Variants in TACC3 observed in about 807,000 individuals in gnomAD.
TACC3 encodes transforming acidic coiled-coil containing protein 3, also known as transforming acidic coiled-coil-containing protein 3.
Under a neutral mutation model 86.0 loss-of-function variants are expected in TACC3, and 52 were observed. The ratio of observed to expected loss-of-function variants is 0.60; its 90% CI spans 0.48 to 0.76. TACC3 has a LOEUF of 0.76. Ranked by LOEUF, TACC3 falls within the 30% of genes least tolerant of loss-of-function variation. The pLI, the probability that TACC3 is intolerant of heterozygous loss-of-function variation, is 0.00. For synonymous variants in TACC3, 512 were observed against 430.0 expected (o/e 1.19, Z -2.36); for missense variants, 1,120 against 1,070.4 (o/e 1.05, Z -0.65).
chr4:1,728,358 A>G lies in TACC3; in HGVS notation c.956A>G (p.Gln319Arg). The G allele has an allele frequency of 6.2e-7, 1 of 1,613,176 alleles. No individual in the cohort carries two copies. The highest frequency in any genetic ancestry group is 8.5e-7 in the Non-Finnish European group (1 of 1,180,018). Residue 319 changes from glutamine (Q) to arginine (R), a missense_variant, in exon 4 of 16, where the codon CAG becomes CGG. Transcript: ENST00000313288. Reference protein sequence around the residue: ...VAGRAMTLSPQEEVAAGQMAS... With the variant: ...VAGRAMTLSPREEVAAGQMAS... ...GGCAGGGCCATGACCCTGAGTCCTC[A>G]GGAAGAAGTGGCTGCAGGCCAAATG...
chr4:1,727,512 G>C (rs944983945), intron 3 of TACC3, among the ~76,000 whole-genome samples, 196 bp from the exon 4 acceptor site: 5 of 152,210 alleles, frequency 3.3e-5, no homozygotes, highest in African/African-American at 1.2e-4. Flanking sequence ...GTTCCACCGG[G>C]AGCTGGTCCC....
intron 10 of TACC3, chr4:1,739,450 T>C (rs1351620031): frequency 3.6e-6 from 2 of 563,114 alleles, no homozygotes; most frequent in East Asian, 5.8e-5. Context: ...ACCTGTTGGG[T>C]GCCTGCTGGT....
In TACC3 at chr4:1,739,862, A is replaced by G. The variant is rs144743154; in HGVS notation, c.2018+84A>G. 1.7e-3 allele frequency: 1,760 copies of G among 1,033,542 alleles called. 29 individuals are homozygous for G. In the East Asian group the frequency reaches 0.07, roughly 41 times the overall value. 64.0% of individuals were successfully genotyped at this position (1,033,542 alleles called of 1,614,324 possible). A position where few individuals can be genotyped will look rare whatever the true frequency, so the allele number is the denominator to read the frequency against. On this transcript the variant is annotated intron_variant, in intron 11 of 15. Transcript: ENST00000313288. ...CATCCCCCTCGCCATCCTTGTCCCCATCCCCCTCGCCATCCCTGTCCCCGT... is the reference window on the plus strand; with the variant it reads ...CATCCCCCTCGCCATCCTTGTCCCCGTCCCCCTCGCCATCCCTGTCCCCGT...
upstream of TACC3, chr4:1,721,058 C>T (rs1717309330): frequency 3.4e-6 from 1 of 293,310 alleles, no homozygotes; most frequent in African/African-American, 2.2e-5. Context: ...CATGGAGTCC[C>T]GCCGCCCGGC....
intron 4 of TACC3, 146 bp from the exon 5 acceptor site, chr4:1,730,741 A>G (rs1476097017): frequency 2.1e-6 from 2 of 947,580 alleles, no homozygotes. Flanking sequence ...CGCTTGGGAC[A>G]GCCCCATGCC....
chr4:1,741,055 T>A, intron 13 of TACC3, 69 bp downstream of exon 13: 1 of 1,465,530 alleles, frequency 6.8e-7, no homozygotes, highest in Non-Finnish European at 9.2e-7. Context: ...CCAGCGGGGC[T>A]ACAAGCTGCT....
At chr4:1,740,469 C>T (rs370544858) in intron 12 of TACC3, 1 of 311,430 alleles carries the variant, frequency 3.2e-6, no homozygotes, top group Non-Finnish European at 6.0e-6. Context: ...AGGTGACCGC[C>T]TGGCCCTTGC....
intron 8 of TACC3, among the ~76,000 whole-genome samples, chr4:1,736,422 CAA>C (rs1164866581): frequency 3.8e-3 from 249 of 65,822 alleles, no homozygotes; most frequent in African/African-American, 0.015. Context: ...GACTCCATCT[CAA>C]AAAAAAAAAA....
intron 10 of TACC3, 78 bp downstream of exon 10, chr4:1,737,780 A>C: frequency 1.5e-6 from 2 of 1,314,720 alleles, no homozygotes; most frequent in Non-Finnish European, 2.1e-6. Flanking sequence ...CAGGGGTCCA[A>C]CAGCCTGACC....
Position 1,730,108 on chromosome 4 carries a change from G to A in TACC3, c.1386-779G>A, listed in dbSNP as rs187963699. Reference sequence around the variant, plus strand: ...GGCTGGAGCGCAGTGGCGTGATCTCGCCTCACTGCGAGTTCTGCCTCCCGG... The same window carrying A: ...GGCTGGAGCGCAGTGGCGTGATCTCACCTCACTGCGAGTTCTGCCTCCCGG... On this transcript the variant is annotated intron_variant, in intron 4 of 15. Coordinates refer to ENST00000313288, the MANE Select transcript of TACC3 (RefSeq NM_006342.3). Among the ~76,000 whole-genome samples, 686 of 152,294 alleles carry A rather than the reference G, an allele frequency of 4.5e-3. 4 individuals are homozygous for A. Among genetic ancestry groups the A allele is most frequent in the African/African-American group, 0.016 (659 of 41,540 alleles).
intron 8 of TACC3, among the ~76,000 whole-genome samples, chr4:1,736,213 C>T (rs976037304): frequency 6.6e-6 from 1 of 152,098 alleles, no homozygotes. Flanking sequence ...AGCCTCAGCT[C>T]AGGAGTTTGC....
chr4:1,726,899 G>A (rs1272256495), intron 3 of TACC3, among the ~76,000 whole-genome samples: 1 of 152,124 alleles, frequency 6.6e-6, no homozygotes, highest in African/African-American at 2.4e-5. Flanking sequence ...GGCCGAGGCG[G>A]GTGGATCACC....
At chr4:1,722,725 T>C (rs1208841786) in intron 1 of TACC3, among the ~76,000 whole-genome samples, 1 of 152,200 alleles carries the variant, frequency 6.6e-6, no homozygotes, top group East Asian at 1.9e-4. Flanking sequence ...CTGGGAACGC[T>C]GTAGACAGAA....
At chr4:1,740,128 C>A in intron 12 of TACC3, 126 bp downstream of exon 12, 1 of 918,744 alleles carries the variant, frequency 1.1e-6, no homozygotes. Context: ...CACACGAGTC[C>A]CTTCAACATG....
At chr4:1,743,467 C>G (rs1462918539) in intron 13 of TACC3, among the ~76,000 whole-genome samples, 1 of 151,958 alleles carries the variant, frequency 6.6e-6, no homozygotes, top group African/African-American at 2.4e-5. Flanking sequence ...GCAGGAGAAT[C>G]GCTTGAATCC....
rs139950972 is a variant in TACC3 at position 1,744,718 on chromosome 4, C to T, written c.2337C>T (p.Asn779=). The T allele has an allele frequency of 1.7e-4, 268 of 1,612,568 alleles. 2 individuals carry two copies. In the East Asian group the frequency reaches 2.2e-3, roughly 13 times the overall value. The part of the protein sequence containing the change: ...AHAEEKLQLA[N]EEIAQVRSKA... ...CCCGCCCCTACCCCTCCAGGGCAAA[C>T]GAGGAGATCGCCCAGGTCCGGAGCA... Residue 779 remains asparagine (N), a synonymous_variant, in exon 15 of 16, where the codon AAC becomes AAT. Coordinates refer to ENST00000313288, the MANE Select transcript of TACC3 (RefSeq NM_006342.3).
intron 3 of TACC3, among the ~76,000 whole-genome samples, chr4:1,724,414 A>G (rs1717585276): frequency 1.7e-5 from 2 of 120,732 alleles, no homozygotes; most frequent in South Asian, 5.3e-4. Context: ...TTCTGGAGAC[A>G]GAGTCTGGCT....
intron 13 of TACC3, among the ~76,000 whole-genome samples, chr4:1,744,220 T>C (rs920097608): frequency 6.6e-6 from 1 of 152,144 alleles, no homozygotes; most frequent in Non-Finnish European, 1.5e-5. Context: ...TGCATCCCAC[T>C]TTCCAGCAGC....
chr4:1,727,672 C>T, intron 3 of TACC3, 36 bp from the exon 4 acceptor site: 1 of 1,542,024 alleles, frequency 6.5e-7, no homozygotes, highest in Non-Finnish European at 8.7e-7. Context: ...TCACCAGGTA[C>T]TCGCTGCTTC....
Sources: gnomAD v4.1 joint callset for allele counts (sites outside exome capture counted in the v4.1 genomes callset) on GRCh38, gnomAD v4.1.1 for gene constraint, MANE v1.5 for transcripts, NCBI Gene and HGNC (gene_info 2026-07-23, HGNC 2026-07-21) for gene names.